FRMPD3: variants seen among roughly 807,000 people sequenced by gnomAD.
FRMPD3 encodes the protein FERM and PDZ domain-containing protein 3.
A neutral mutation model predicts 97.9 loss-of-function variants in FRMPD3; 42 were observed. That is an observed-to-expected ratio of 0.43 (90% CI 0.34 to 0.55). The LOEUF (loss-of-function observed/expected upper bound fraction) is 0.55, where lower values mean the gene tolerates loss of function less well. Among genes scored for constraint, FRMPD3 ranks in the 20% least tolerant of loss-of-function variants. The pLI is 0.03. For synonymous variants in FRMPD3, 577 were observed against 581.1 expected (o/e 0.99, Z 0.10); for missense variants, 1,303 against 1,457.7 (o/e 0.89, Z 1.73).
intron 1 of FRMPD3, among the ~76,000 whole-genome samples, chrX:107,498,294 G>C (rs1921823160): frequency 8.9e-6 from 1 of 112,218 alleles, no homozygotes; most frequent in African/African-American, 3.2e-5. Context: ...TGGTGACCAG[G>C]ACCACATTAG....
In FRMPD3 at chrX:107,490,419, G is replaced by A. The variant is rs201697647; in HGVS notation, c.-7-36163G>A. 5.2e-3 allele frequency among the ~76,000 whole-genome samples: 567 copies of A among 108,895 alleles called. 14 individuals are homozygous for A. In the East Asian group the frequency reaches 0.058, roughly 11 times the overall value. 94.6% of individuals were successfully genotyped at this position (108,895 alleles called of 115,157 possible). On this transcript the variant is annotated intron_variant, in intron 1 of 14. Transcript: ENST00000683843. ...TGGGGATGCATTGAATCTATAAATT[G>A]CCTTGGGCAGTATGGCCATTTTCAC...
At chrX:107,555,711 T>A (rs368014008) in intron 8 of FRMPD3, among the ~76,000 whole-genome samples, 1 of 111,999 alleles carries the variant, frequency 8.9e-6, no homozygotes, top group East Asian at 2.8e-4. Flanking sequence ...TTTTTTAAAT[T>A]CCTCAAGTGA....
At chrX:107,583,344 T>C (rs1205779932) in intron 13 of FRMPD3, among the ~76,000 whole-genome samples, 1 of 110,699 alleles carries the variant, frequency 9.0e-6, no homozygotes. Context: ...CGATGTTTGG[T>C]TTTCTGTTCC....
chrX:107,491,111 T>C (rs1337900374), intron 1 of FRMPD3, among the ~76,000 whole-genome samples: 1 of 111,498 alleles, frequency 9.0e-6, no homozygotes, highest in East Asian at 2.8e-4. Flanking sequence ...CCAGAACCTT[T>C]CAAATTACAT....
chrX:107,592,374 A>T (rs188990472), intron 13 of FRMPD3, among the ~76,000 whole-genome samples: 52 of 111,778 alleles, frequency 4.7e-4, no homozygotes, highest in African/African-American at 6.5e-4. Flanking sequence ...CATTAAAAAA[A>T]TTTTTTAATA....
intron 1 of FRMPD3, among the ~76,000 whole-genome samples, chrX:107,461,278 A>C (rs750830653): frequency 2.7e-5 from 3 of 110,987 alleles, no homozygotes; most frequent in African/African-American, 6.6e-5. Flanking sequence ...CAAACTCAGG[A>C]TCTCCTCTCC....
At chrX:107,525,218 G>C (rs1194142195) in intron 1 of FRMPD3, among the ~76,000 whole-genome samples, 1 of 111,541 alleles carries the variant, frequency 9.0e-6, no homozygotes, top group African/African-American at 3.3e-5. Context: ...TGGGGCTGTA[G>C]TGGTGCCAGA....
chrX:107,518,003 GAT>G (rs1922399330), intron 1 of FRMPD3, among the ~76,000 whole-genome samples: 1 of 110,945 alleles, frequency 9.0e-6, no homozygotes, highest in East Asian at 2.8e-4. Context: ...CGAGGGATGA[GAT>G]ATAGCAGGGG....
At chrX:107,472,981 C>T (rs1054802232) in intron 1 of FRMPD3, among the ~76,000 whole-genome samples, 1 of 112,439 alleles carries the variant, frequency 8.9e-6, no homozygotes, top group African/African-American at 3.2e-5. Flanking sequence ...ACTCAGACCA[C>T]CCAGCCCAAA....
At chrX:107,487,313 T>C (rs1921534018) in intron 1 of FRMPD3, among the ~76,000 whole-genome samples, 1 of 110,622 alleles carries the variant, frequency 9.0e-6, no homozygotes, top group Non-Finnish European at 1.9e-5. Flanking sequence ...CCAGGGAAAA[T>C]AATGCTTGGT....
At chrX:107,570,702 T>C (rs1422886802) in intron 12 of FRMPD3, among the ~76,000 whole-genome samples, 1 of 111,720 alleles carries the variant, frequency 9.0e-6, no homozygotes, top group Non-Finnish European at 1.9e-5. Context: ...CCCTTGGGTC[T>C]CTAGACCATC....
At chrX:107,511,603 A>G (rs1243841067) in intron 1 of FRMPD3, among the ~76,000 whole-genome samples, 1 of 112,814 alleles carries the variant, frequency 8.9e-6, no homozygotes, top group African/African-American at 3.2e-5. Context: ...GTAGGCCCAC[A>G]TTTGGCTTCA....
In FRMPD3 at chrX:107,604,729, C is replaced by G. The variant is rs1030800381; in HGVS notation, c.*1356C>G. The G allele has an allele frequency of 9.0e-6, 1 of 110,958 alleles. No homozygotes were observed. Among genetic ancestry groups the G allele is most frequent in the Admixed American group, 9.7e-5 (1 of 10,352 alleles). 9.1% of individuals were successfully genotyped at this position (110,958 alleles called of 1,213,427 possible). ...CTCCATATCTCCCCATTTCCCACAC[C>G]CTTGTGCCCTGTGTCTGCCTCTGTT... On this transcript the variant is annotated 3_prime_UTR_variant, in exon 15 of 15. Coordinates refer to ENST00000683843, the MANE Select transcript of FRMPD3 (RefSeq NM_001388459.1).
chrX:107,540,090 T>G (rs1921221753), intron 4 of FRMPD3, among the ~76,000 whole-genome samples: 2 of 111,689 alleles, frequency 1.8e-5, no homozygotes, highest in African/African-American at 6.5e-5. Context: ...CAAAAGGTGA[T>G]CTTGGAGAGA....
intron 1 of FRMPD3, among the ~76,000 whole-genome samples, chrX:107,499,400 C>G (rs984811149): frequency 8.9e-6 from 1 of 112,048 alleles, no homozygotes; most frequent in African/African-American, 3.3e-5. Flanking sequence ...AAATGCCATC[C>G]TCTTAATAAA....
intron 3 of FRMPD3, among the ~76,000 whole-genome samples, 156 bp from the exon 4 acceptor site, chrX:107,533,349 A>G (rs1374948909): frequency 8.9e-6 from 1 of 111,751 alleles, no homozygotes; most frequent in Non-Finnish European, 1.9e-5. Flanking sequence ...TCCACAAATG[A>G]TGGGAGGTGA....
intron 3 of FRMPD3, among the ~76,000 whole-genome samples, chrX:107,530,785 A>G (rs1922915513): frequency 9.1e-6 from 1 of 110,391 alleles, no homozygotes; most frequent in Admixed American, 9.7e-5. Flanking sequence ...CCACCCAAAC[A>G]ATCTCTTCAC....
In FRMPD3 at chrX:107,597,771, C is replaced by T; in HGVS notation, c.1892C>T (p.Pro631Leu). 5.1e-6 allele frequency: 6 copies of T among 1,187,763 alleles called. No homozygotes were observed. Among genetic ancestry groups the T allele is most frequent in the African/African-American group, 3.5e-5 (2 of 57,240 alleles). The change falls in exon 14 of 15, where the codon CCT becomes CTT. Residue 631 changes from proline (P) to leucine (L), a missense_variant. Around this residue, in one of 3 missense-constraint regions of FRMPD3, gnomAD observed 535 missense variants for 618.6 expected, o/e 0.86. Transcript: ENST00000683843. ...EQLGPRKGGK[P>L]GSSRDNIVDL... ...CTGGGCCCTCGCAAAGGTGGGAAGCCTGGCTCCTCTCGTGACAATATAGTA... is the reference window on the plus strand; with the variant it reads ...CTGGGCCCTCGCAAAGGTGGGAAGCTTGGCTCCTCTCGTGACAATATAGTA...
At chrX:107,506,979 A>C (rs1758418227) in intron 1 of FRMPD3, among the ~76,000 whole-genome samples, 1 of 111,182 alleles carries the variant, frequency 9.0e-6, no homozygotes. Context: ...GCCGGGCAGC[A>C]GCCCAGCCCC....
Sources: allele counts gnomAD v4.1 joint callset (sites outside exome capture counted in the v4.1 genomes callset), GRCh38; gene constraint gnomAD v4.1.1; regional missense constraint gnomAD v4.1.1; transcripts MANE v1.5; gene names NCBI Gene and HGNC (gene_info 2026-07-23, HGNC 2026-07-21).